ERC1: variants seen among roughly 807,000 people sequenced by gnomAD.
ERC1 encodes the protein ELKS/RAB6-interacting/CAST family member 1.
A neutral mutation model predicts 132.0 loss-of-function variants in ERC1; 56 were observed. That is an observed-to-expected ratio of 0.42 (90% CI 0.34 to 0.53). The LOEUF is 0.53. Ranked by LOEUF, ERC1 falls within the 20% of genes least tolerant of loss-of-function variation. The pLI is 0.03. For synonymous variants in ERC1, 478 were observed against 476.1 expected, an observed-to-expected ratio of 1.00 and a Z score of -0.05; for missense variants, 1,202 against 1,349.9, an observed-to-expected ratio of 0.89 and a Z score of 1.72.
intron 12 of ERC1, among the ~76,000 whole-genome samples, chr12:1,199,582 C>A (rs901974681): frequency 6.6e-6 from 1 of 151,730 alleles, no homozygotes; most frequent in Admixed American, 6.6e-5. Flanking sequence ...ACCAGCCTGA[C>A]CAACATGGTG....
At chr12:1,170,091 C>T (rs1190063536) in intron 8 of ERC1, among the ~76,000 whole-genome samples, 1 of 152,120 alleles carries the variant, frequency 6.6e-6, no homozygotes, top group Admixed American at 6.5e-5. Flanking sequence ...AGAAAAAAAT[C>T]TGTGTAAAAA....
chr12:1,259,916 G>T (rs1290845437), intron 13 of ERC1, among the ~76,000 whole-genome samples: 3 of 152,030 alleles, frequency 2.0e-5, no homozygotes, highest in African/African-American at 7.2e-5. Context: ...CTTACTAATT[G>T]CCCTTGGATA....
chr12:1,474,210 A>G (rs941440761), intron 18 of ERC1, among the ~76,000 whole-genome samples: 6 of 152,194 alleles, frequency 3.9e-5, no homozygotes, highest in African/African-American at 1.4e-4. Flanking sequence ...GGCCTGTGAC[A>G]CATCCTGGGA....
At chr12:1,168,479 CTTTTTTTT>C (rs746267742) in intron 8 of ERC1, among the ~76,000 whole-genome samples, 4 of 91,986 alleles carry the variant, frequency 4.3e-5, no homozygotes, top group African/African-American at 8.5e-5. Flanking sequence ...AGTGACTGGT[CTTTTTTTT>C]TTTTTTTTTT....
chr12:1,132,264 T>C (rs1948837335), intron 7 of ERC1, among the ~76,000 whole-genome samples: 1 of 152,122 alleles, frequency 6.6e-6, no homozygotes, highest in South Asian at 2.1e-4. Flanking sequence ...GTGATGTGAA[T>C]TGAATACTTA....
At chr12:1,425,167 C>A (rs554034007) in intron 17 of ERC1, among the ~76,000 whole-genome samples, 2 of 152,208 alleles carry the variant, frequency 1.3e-5, no homozygotes, top group African/African-American at 4.8e-5. Flanking sequence ...ATTTGTGTTT[C>A]TGTTGTGTAA....
At chr12:1,012,471 CTTTTTTT>C (rs58882619) in intron 1 of ERC1, among the ~76,000 whole-genome samples, 1 of 85,484 alleles carries the variant, frequency 1.2e-5, no homozygotes. Context: ...GATATTTAAT[CTTTTTTT>C]TTTTTTTTTT....
intron 6 of ERC1, among the ~76,000 whole-genome samples, chr12:1,114,197 T>A (rs1331408336): frequency 6.6e-6 from 1 of 152,110 alleles, no homozygotes; most frequent in African/African-American, 2.4e-5. Flanking sequence ...CTGATTTTTG[T>A]ATTTTTAGTA....
intron 4 of ERC1, among the ~76,000 whole-genome samples, chr12:1,108,865 C>G (rs1222915510): frequency 6.6e-6 from 1 of 152,144 alleles, no homozygotes; most frequent in Non-Finnish European, 1.5e-5. Flanking sequence ...TCCCTTGAAC[C>G]TGAAAATAGC....
chr12:1,422,531 C>CT (rs138250049), intron 17 of ERC1, among the ~76,000 whole-genome samples: 89 of 147,674 alleles, frequency 6.0e-4, no homozygotes, highest in Middle Eastern at 3.5e-3. Flanking sequence ...GAATTTCATT[C>CT]TTTTTTTTTT....
At chr12:1,342,723 T>C (rs577657031) in intron 15 of ERC1, among the ~76,000 whole-genome samples, 1 of 152,264 alleles carries the variant, frequency 6.6e-6, no homozygotes, top group South Asian at 2.1e-4. Context: ...GTATGAAATA[T>C]TAATATTAAT....
chr12:1,036,109 ATAT>A (rs1969024037), intron 2 of ERC1, among the ~76,000 whole-genome samples: 1 of 152,178 alleles, frequency 6.6e-6, no homozygotes, highest in African/African-American at 2.4e-5. Context: ...ATACTGTTTA[ATAT>A]TATAGGACGG....
rs180729284 is a variant in ERC1 at position 1,340,390 on chromosome 12, C to A, written c.2781-31443C>A. ...AGCCATGCTCCACTACAGACTCTAC[C>A]ACACCAAACCCTCTGGGTTCCACCT... is the stretch of plus-strand genomic sequence containing the variant. On this transcript the variant is annotated intron_variant, in intron 15 of 18. Transcript: ENST00000360905. Among the ~76,000 whole-genome samples the A allele has an allele frequency of 4.1e-3, 621 of 152,240 alleles. 17 individuals are homozygous for A. The highest frequency in any genetic ancestry group is 1.1e-3 in the Non-Finnish European group (78 of 68,014).
intron 1 of ERC1, among the ~76,000 whole-genome samples, chr12:1,006,536 C>T (rs934120733): frequency 6.6e-6 from 1 of 152,134 alleles, no homozygotes; most frequent in African/African-American, 2.4e-5. Flanking sequence ...GGGCGTGCCA[C>T]CATGCCCAGC....
intron 5 of ERC1, among the ~76,000 whole-genome samples, chr12:1,111,644 A>T (rs1164788025): frequency 4.9e-5 from 7 of 144,006 alleles, no homozygotes; most frequent in Non-Finnish European, 9.0e-5. Context: ...TTTGAGTCGG[A>T]GGTATGCTTT....
chr12:1,234,163 A>G (rs2075260578), intron 12 of ERC1, among the ~76,000 whole-genome samples: 1 of 152,196 alleles, frequency 6.6e-6, no homozygotes, highest in African/African-American at 2.4e-5. Context: ...AGATAAACAC[A>G]CTGACCAGTT....
At chr12:1,404,730 G>A (rs1161584067) in intron 16 of ERC1, among the ~76,000 whole-genome samples, 1 of 152,136 alleles carries the variant, frequency 6.6e-6, no homozygotes, top group African/African-American at 2.4e-5. Flanking sequence ...AGTACCCTCA[G>A]GCCTTTTTTA....
At chr12:1,297,951 G>A (rs569958033) in intron 15 of ERC1, among the ~76,000 whole-genome samples, 35 of 152,172 alleles carry the variant, frequency 2.3e-4, no homozygotes, top group African/African-American at 7.7e-4. Context: ...TGTTGGCTGG[G>A]CATGGTGACT....
intron 13 of ERC1, among the ~76,000 whole-genome samples, chr12:1,258,778 C>T (rs2076964877): frequency 6.6e-6 from 1 of 152,192 alleles, no homozygotes; most frequent in Admixed American, 6.5e-5. Flanking sequence ...AATTCTGACC[C>T]ACTTCTGTAA....
Sources: gnomAD v4.1 joint callset for allele counts (sites outside exome capture counted in the v4.1 genomes callset) on GRCh38, gnomAD v4.1.1 for gene constraint, MANE v1.5 for transcripts, NCBI Gene and HGNC (gene_info 2026-07-23, HGNC 2026-07-21) for gene names.